LTBP3: variants seen among roughly 807,000 people sequenced by gnomAD.
The protein encoded by LTBP3 is latent transforming growth factor beta binding protein 3.
In LTBP3, 97 loss-of-function variants were observed where a neutral mutation model predicts 159.7. That is an observed-to-expected ratio of 0.61 (90% CI 0.52 to 0.72). LTBP3 has a LOEUF of 0.72. Among genes scored for constraint, LTBP3 ranks in the 30% least tolerant of loss-of-function variants. The pLI is 0.00. For missense variants in LTBP3, 1,584 were observed against 1,864.3 expected (o/e 0.85, Z 2.77); for synonymous variants, 824 against 777.1 (o/e 1.06, Z -1.00).
chr11:65,539,839 CCG>C lies in LTBP3; in HGVS notation c.3426_3427del (p.Gly1143ArgfsTer68). On this transcript the variant is annotated frameshift_variant, in exon 25 of 28. Transcript: ENST00000301873. LOFTEE classifies it high-confidence loss of function. ...GGGGCCAGCGCACATGCCGTCCTCT[CCG>C]CGCTGGCTCCAGCACACGTCGCGCC... 1 of 1,526,060 alleles carries C rather than the reference CCG, an allele frequency of 6.6e-7. No individual in the cohort carries two copies. Among genetic ancestry groups the C allele is most frequent in the Non-Finnish European group, 8.7e-7 (1 of 1,143,402 alleles). 94.5% of individuals were successfully genotyped at this position (1,526,060 alleles called of 1,614,324 possible).
Position 65,539,065 on chromosome 11 carries a change from GC to G in LTBP3, c.*14del. On this transcript the variant is annotated 3_prime_UTR_variant, in exon 28 of 28. Transcript: ENST00000301873. ...GTGATCACCGAGGTCTGGGCCGAGG[GC>G]GGCGTCGGCGGCGTCAGCGGCGGCG... 7.3e-7 allele frequency: 1 copy of G among 1,361,670 alleles called. No individual in the cohort carries two copies. 84.3% of individuals were successfully genotyped at this position (1,361,670 alleles called of 1,614,324 possible). A position where few individuals can be genotyped will look rare whatever the true frequency, so the allele number is the denominator to read the frequency against.
In LTBP3 at chr11:65,547,042, G is replaced by C. The variant is rs1856403338; in HGVS notation, c.2108-122C>G. Reference sequence around the variant, plus strand: ...ACGAGGCTCCCGGACCCCAACCTCTGAGAGGCCCAGAGCCGAGCATACAGG... The same window carrying C: ...ACGAGGCTCCCGGACCCCAACCTCTCAGAGGCCCAGAGCCGAGCATACAGG... On this transcript the variant is annotated intron_variant, in intron 14 of 27. Coordinates refer to ENST00000301873, the MANE Select transcript of LTBP3 (RefSeq NM_001130144.3). This position sits in a 1 kb window ranked among gnomAD's most constrained non-coding sequence, Gnocchi z 4.6. The C allele has an allele frequency of 7.2e-7, 1 of 1,398,212 alleles. No individual in the cohort carries two copies. Among genetic ancestry groups the C allele is most frequent in the African/African-American group, 1.4e-5 (1 of 70,702 alleles). The allele number at this position is 1,398,212 out of a possible 1,614,324, so 86.6% of individuals were successfully genotyped here.
intron 16 of LTBP3, 144 bp from the exon 17 acceptor site, chr11:65,543,693 G>A: frequency 1.8e-6 from 2 of 1,088,872 alleles, no homozygotes; most frequent in Non-Finnish European, 2.7e-6. Flanking sequence ...GCTTCTGGGT[G>A]GCACACAGTG....
Position 65,552,441 on chromosome 11 carries a change from C to A in LTBP3, c.1187-35G>T. 6.2e-7 allele frequency: 1 copy of A among 1,608,212 alleles called. No individual in the cohort carries two copies. Among genetic ancestry groups the A allele is most frequent in the African/African-American group, 1.3e-5 (1 of 74,980 alleles). On this transcript the variant is annotated intron_variant, in intron 6 of 27. Coordinates refer to ENST00000301873, the MANE Select transcript of LTBP3 (RefSeq NM_001130144.3). The surrounding 1 kb of genome is among the most constrained non-coding windows in gnomAD (Gnocchi z 6.0). The stretch of plus-strand genomic sequence containing the variant: ...CCAGTGGGGGGCATGGGCATCTGAG[C>A]CTGCACATTGCCCACGTCCCTCTGC...
Position 65,540,094 on chromosome 11 carries a change from C to T in LTBP3, c.3304G>A (p.Gly1102Ser), listed in dbSNP as rs1856020069. The T allele has an allele frequency of 6.5e-7, 1 of 1,526,832 alleles. No homozygotes were observed. Among genetic ancestry groups the T allele is most frequent in the Non-Finnish European group, 8.8e-7 (1 of 1,141,408 alleles). The allele number at this position is 1,526,832 out of a possible 1,614,324, so 94.6% of individuals were successfully genotyped here. A position where few individuals can be genotyped will look rare whatever the true frequency, so the allele number is the denominator to read the frequency against. ...CRPGRCVNLP[G>S]SYRCECRPPW... ...GGGCGACACTCGCAGCGGTAGGAGC[C>T]CGGCAGGTTGACGCAGCGGCCAGGG... The change falls in exon 24 of 28, where the codon GGC (glycine) becomes AGC (serine). Residue 1102 changes from glycine (G) to serine (S), a missense_variant. Physicochemically the swap from Gly to Ser is moderately conservative, Grantham distance 56 (BLOSUM62 0). This residue lies in a region of LTBP3 where 514 missense variants were observed against 530.3 expected (regional missense o/e 0.97). Coordinates refer to ENST00000301873, the MANE Select transcript of LTBP3 (RefSeq NM_001130144.3).
At chr11:65,540,406 A>AGCAGGGGCAGGCCCGGGATGGGC (rs1565088662) in intron 22 of LTBP3, 24 bp from the exon 23 acceptor site, 1 of 1,605,884 alleles carries the variant, frequency 6.2e-7, no homozygotes, top group East Asian at 2.2e-5. Context: ...AAGCGTGGGT[A>AGCAGGGGCAGGCCCGGGATGGGC]GCAGGGGCAG....
At chr11:65,556,820 C>T (rs1197627154) in intron 1 of LTBP3, among the ~76,000 whole-genome samples, 9 of 152,152 alleles carry the variant, frequency 5.9e-5, no homozygotes. Context: ...TTACCCTGTC[C>T]AGGAGGGTAA....
In LTBP3 at chr11:65,553,773, C is replaced by A; in HGVS notation, c.792G>T (p.Lys264Asn). Residue 264 changes from lysine (K) to asparagine (N), a missense_variant, in exon 3 of 28, where the codon AAG becomes AAT. By Grantham distance (94) the Lys-to-Asn change is moderately conservative. This residue lies in a region of LTBP3 where 194 missense variants were observed against 198.7 expected (regional missense o/e 0.98). Transcript: ENST00000301873. This position sits in a 1 kb window ranked among gnomAD's most constrained non-coding sequence, Gnocchi z 6.5. ...APSQHLLPHP[K>N]PSHPRPPTQK... ...GGGTGGGCGGCCGGGGGTGCGAGGG[C>A]TTGGGGTGCGGCAGCAGGTGCTGGG... 1 of 1,570,246 alleles carries A rather than the reference C, an allele frequency of 6.4e-7. No homozygotes were observed. The highest frequency in any genetic ancestry group is 8.6e-7 in the Non-Finnish European group (1 of 1,165,742).
chr11:65,540,497 A>T lies in LTBP3; in HGVS notation c.3095T>A (p.Leu1032Gln). 1.2e-6 allele frequency: 2 copies of T among 1,613,652 alleles called. No homozygotes were observed. The highest frequency in any genetic ancestry group is 1.7e-6 in the Non-Finnish European group (2 of 1,179,876). ...GGGGCGGAGCTCACCCACGCATTCC[A>T]GCAGGTTCCCGTCGTAGTAGAAGCC... ...KQGFYYDGNL[L>Q]ECVDVDECLD... The change falls in exon 22 of 28, where the codon CTG (leucine) becomes CAG (glutamine). Residue 1032 changes from leucine to glutamine, a missense_variant. Transcript: ENST00000301873.
chr11:65,541,643 G>A lies in LTBP3; in HGVS notation c.2682C>T (p.Cys894=), dbSNP rs988107115. The A allele has an allele frequency of 3.1e-6, 5 of 1,614,088 alleles. No individual in the cohort carries two copies. Among genetic ancestry groups the A allele is most frequent in the South Asian group, 1.1e-5 (1 of 91,088 alleles). ...KNLQGSYVCV[C]DEGFTPTQDQ... ...CCTGGGTGGGAGTGAAGCCCTCATC[G>A]CAGACACACACATAGGAGCCCTGAA... The change falls in exon 19 of 28, where the codon TGC becomes TGT. Residue 894 remains cysteine (C), a synonymous_variant. Transcript: ENST00000301873.
chr11:65,549,870 A>G (rs1421305098), intron 11 of LTBP3, among the ~76,000 whole-genome samples: 1 of 151,502 alleles, frequency 6.6e-6, no homozygotes, highest in Non-Finnish European at 1.5e-5. Context: ...GTAGTGAGCC[A>G]TGATCCTGCC....
chr11:65,540,719 G>A (rs1856085446), intron 21 of LTBP3, 105 bp from the exon 22 acceptor site: 6 of 1,559,128 alleles, frequency 3.8e-6, no homozygotes, highest in Non-Finnish European at 5.3e-6. Flanking sequence ...GGGCCTACAG[G>A]AGGGGCGGGG....
chr11:65,542,927 T>C, intron 18 of LTBP3, 178 bp downstream of exon 18: 1 of 842,478 alleles, frequency 1.2e-6, no homozygotes, highest in Non-Finnish European at 1.9e-6. Flanking sequence ...GATGGATGGA[T>C]AGAAGGATGG....
At position 65,541,142 on chromosome 11, in the gene LTBP3, G is replaced by C. The variant is rs894566079; in HGVS notation, c.2877C>G (p.Cys959Trp). ...GCTCCTGACCTGAGCTGTAGACTGG[G>C]CAGGGGTAGATTTCGCAGTGGTCGC... ...GWGDHCEIYP[C>W]PVYSSAEFHS... The change falls in exon 20 of 28, where the codon TGC becomes TGG. Residue 959 changes from cysteine (C) to tryptophan (W), a missense_variant. Cys to Trp is a radical substitution (Grantham distance 215, BLOSUM62 -2). This residue lies in a region of LTBP3 where 565 missense variants were observed against 677.7 expected (regional missense o/e 0.83). Transcript: ENST00000301873. 1 of 1,613,098 alleles carries C rather than the reference G, an allele frequency of 6.2e-7. No homozygotes were observed. The highest frequency in any genetic ancestry group is 8.5e-7 in the Non-Finnish European group (1 of 1,179,940).
Position 65,558,358 on chromosome 11 carries a change from G to A in LTBP3, c.-399C>T. The A allele has an allele frequency of 4.1e-6, 1 of 242,856 alleles. No homozygotes were observed. Among genetic ancestry groups the A allele is most frequent in the Non-Finnish European group, 7.3e-6 (1 of 136,194 alleles). 15.0% of individuals were successfully genotyped at this position (242,856 alleles called of 1,614,324 possible). A position where few individuals can be genotyped will look rare whatever the true frequency, so the allele number is the denominator to read the frequency against. On this transcript the variant is annotated 5_prime_UTR_variant, in exon 1 of 28. Coordinates refer to ENST00000301873, the MANE Select transcript of LTBP3 (RefSeq NM_001130144.3). Reference sequence around the variant, plus strand: ...GCGCGCGGGGAGGGCTCAGGGAGAAGTGAGCAGTTGTTTTCCCTGGCTGGA... The same window carrying A: ...GCGCGCGGGGAGGGCTCAGGGAGAAATGAGCAGTTGTTTTCCCTGGCTGGA...
chr11:65,543,129 G>A lies in LTBP3; in HGVS notation c.2572C>T (p.Leu858=). 2 of 1,614,134 alleles carry A rather than the reference G, an allele frequency of 1.2e-6. No homozygotes were observed. The highest frequency in any genetic ancestry group is 2.2e-5 in the South Asian group (2 of 91,080). ...YRCLCPQGHR[L]VGGRKCQDID... is the part of the protein sequence containing the mutation. ...CCTTGGCATTTCCTGCCACCCACCA[G>A]CCGATGCCCCTGGGGGCAAAGACAT... Residue 858 remains leucine, a synonymous_variant, in exon 18 of 28, where the codon CTG becomes TTG. Coordinates refer to ENST00000301873, the MANE Select transcript of LTBP3 (RefSeq NM_001130144.3).
At position 65,539,609 on chromosome 11, in the gene LTBP3, C is replaced by G. The variant is rs1238431658; in HGVS notation, c.3567G>C (p.Ser1189=). Residue 1189 remains serine (S), a synonymous_variant, in exon 26 of 28, where the codon TCG becomes TCC. Transcript: ENST00000301873. ...CCCAGAAGGAATTGCTCTCGCTCTG[C>G]GATGTCGGGCAATGGGACCCTGGGA... ...PRGAGSHCPT[S]QSESNSFWDT... is the part of the protein sequence containing the mutation. 1 of 1,611,596 alleles carries G rather than the reference C, an allele frequency of 6.2e-7. No homozygotes were observed. The highest frequency in any genetic ancestry group is 1.7e-5 in the Admixed American group (1 of 59,908).
At position 65,540,973 on chromosome 11, in the gene LTBP3, C is replaced by G; in HGVS notation, c.2894-19G>C. The G allele has an allele frequency of 1.2e-6, 2 of 1,610,354 alleles. No homozygotes were observed. The highest frequency in any genetic ancestry group is 1.1e-5 in the South Asian group (1 of 90,742). On this transcript the variant is annotated intron_variant, in intron 20 of 27. Coordinates refer to ENST00000301873, the MANE Select transcript of LTBP3 (RefSeq NM_001130144.3). ...AACTCGGCTGCAGGGGCAGGGCGGC[C>G]GTGGGGAGGGAAGAGGCAGGACTGA...
rs1590753118 is a variant in LTBP3, at chr11:65,538,862, T to A, written c.*218A>T. On this transcript the variant is annotated 3_prime_UTR_variant, in exon 28 of 28. Coordinates refer to ENST00000301873, the MANE Select transcript of LTBP3 (RefSeq NM_001130144.3). The stretch of plus-strand genomic sequence containing the variant: ...TTATCAGTTTCTAGGAAACACCCTC[T>A]GGGAGGAAGGCAGGCAGCGCCCGCC... The A allele has an allele frequency of 3.3e-6, 3 of 896,998 alleles. No homozygotes were observed. The highest frequency in any genetic ancestry group is 4.6e-6 in the Non-Finnish European group (3 of 646,106). 55.6% of individuals were successfully genotyped at this position (896,998 alleles called of 1,614,324 possible).
Sources: allele counts gnomAD v4.1 joint callset (sites outside exome capture counted in the v4.1 genomes callset), GRCh38; gene constraint gnomAD v4.1.1; regional missense constraint gnomAD v4.1.1; non-coding constraint Gnocchi (gnomAD v3.1); transcripts MANE v1.5; gene names NCBI Gene and HGNC (gene_info 2026-07-23, HGNC 2026-07-21).